PSMG3: variants seen among roughly 807,000 people sequenced by gnomAD.
PSMG3 encodes the protein proteasome assembly chaperone 3.
Under a neutral mutation model 7.9 loss-of-function variants are expected in PSMG3, and 4 were observed. That is an observed-to-expected ratio of 0.51 (90% CI 0.25 to 1.16). PSMG3 has a LOEUF of 1.16. Among genes scored for constraint, PSMG3 ranks in the 50% most tolerant of loss-of-function variants. The probability of loss-of-function intolerance (pLI) is 0.15; values close to 1 mark genes in which losing one functional copy is unlikely to be tolerated. For missense variants in PSMG3, 151 were observed against 157.4 expected (o/e 0.96, Z 0.22); for synonymous variants, 81 against 69.8 (o/e 1.16, Z -0.80).
intron 1 of PSMG3, among the ~76,000 whole-genome samples, chr7:1,568,600 G>A (rs1349825322): frequency 6.6e-6 from 1 of 151,412 alleles, no homozygotes; most frequent in Non-Finnish European, 1.5e-5. Flanking sequence ...CAAGTAGCTG[G>A]GAGCACAGGC....
At chr7:1,568,930 G>A (rs987323044) in intron 1 of PSMG3, among the ~76,000 whole-genome samples, 194 bp downstream of exon 1, 31 of 152,340 alleles carry the variant, frequency 2.0e-4, no homozygotes, top group African/African-American at 7.0e-4. Context: ...TTACAGGTGT[G>A]AGCCACTGCA....
rs1012930802 is a variant in PSMG3 at position 1,569,960 on chromosome 7, C to T, written c.-621G>A. ...ACACGCGGTGCCGAGGCCGGCCGGG[C>T]TACTGGGGACGCAGCCGCCCGGGGA... On this transcript the variant is annotated 5_prime_UTR_variant, in exon 1 of 2. Transcript: ENST00000288607. 1.3e-5 allele frequency: 2 copies of T among 151,868 alleles called. No individual in the cohort carries two copies. Among genetic ancestry groups the T allele is most frequent in the African/African-American group, 4.8e-5 (2 of 41,404 alleles). 9.4% of individuals were successfully genotyped at this position (151,868 alleles called of 1,614,324 possible).
rs770596701 is a variant in PSMG3, at chr7:1,569,188, C to A, written c.152G>T (p.Ser51Ile). 6.2e-6 allele frequency: 10 copies of A among 1,613,620 alleles called. No homozygotes were observed. The South Asian group carries it at 1.1e-4, about 18-fold the overall frequency. Residue 51 changes from serine to isoleucine, a missense_variant, in exon 1 of 2, where the codon AGC becomes ATC. Physicochemically the swap from Ser to Ile is moderately radical, Grantham distance 142. Coordinates refer to ENST00000288607, the MANE Select transcript of PSMG3 (RefSeq NM_032302.4). ...CTTGCTGACGTCACTGGCCACGCTGCTGGGCTCCAGGGAGACCAGGGTGCC... is the reference window on the plus strand; with the variant it reads ...CTTGCTGACGTCACTGGCCACGCTGATGGGCTCCAGGGAGACCAGGGTGCC... ...KMGTLVSLEP[S>I]SVASDVSKPV...
At chr7:1,568,997 T>C (rs1016531395) in intron 1 of PSMG3, 127 bp downstream of exon 1, 29 of 721,414 alleles carry the variant, frequency 4.0e-5, no homozygotes, top group Non-Finnish European at 5.7e-5. Flanking sequence ...TGTAGTGACT[T>C]GTGTGTGTGT....
chr7:1,569,495 C>T lies in PSMG3; in HGVS notation c.-156G>A. 3 of 608,090 alleles carry T rather than the reference C, an allele frequency of 4.9e-6. No individual in the cohort carries two copies. Among genetic ancestry groups the T allele is most frequent in the South Asian group, 2.1e-5 (1 of 48,320 alleles). 37.7% of individuals were successfully genotyped at this position (608,090 alleles called of 1,614,324 possible). ...CCCATTCAAAAGAAGGGGCCAGGCGCGGTGGCTCATGCCTGTCATCCCGGC... is the reference window on the plus strand; with the variant it reads ...CCCATTCAAAAGAAGGGGCCAGGCGTGGTGGCTCATGCCTGTCATCCCGGC... On this transcript the variant is annotated 5_prime_UTR_variant, in exon 1 of 2. Coordinates refer to ENST00000288607, the MANE Select transcript of PSMG3 (RefSeq NM_032302.4).
chr7:1,569,264 T>C lies in PSMG3; in HGVS notation c.76A>G (p.Thr26Ala). The part of the protein sequence containing the change: ...VCGVPTQVVC[T>A]AFSSHILVVV... ...ACCAGGATGTGACTGCTGAAGGCCG[T>C]ACACACCACCTGGGTGGGGACCCCG... is the stretch of plus-strand genomic sequence containing the variant. The change falls in exon 1 of 2, where the codon ACG becomes GCG. Residue 26 changes from threonine to alanine, a missense_variant. Coordinates refer to ENST00000288607, the MANE Select transcript of PSMG3 (RefSeq NM_032302.4). 6.2e-7 allele frequency: 1 copy of C among 1,613,674 alleles called. No homozygotes were observed. Among genetic ancestry groups the C allele is most frequent in the South Asian group, 1.1e-5 (1 of 91,076 alleles).
At position 1,569,625 on chromosome 7, in the gene PSMG3, A is replaced by AC. The variant is rs1165532049; in HGVS notation, c.-287dup. The AC allele has an allele frequency of 1.1e-5, 3 of 280,496 alleles. 1 individual carries two copies. The South Asian group carries it at 1.8e-4, about 17-fold the overall frequency. The allele number at this position is 280,496 out of a possible 1,614,324, so 17.4% of individuals were successfully genotyped here. The stretch of plus-strand genomic sequence containing the variant: ...TCTACCAAAAAAAAAAAAAAAAAAA[A>AC]CCAGCAGGGCGCGCCTGTGGTCCCA... On this transcript the variant is annotated 5_prime_UTR_variant, in exon 1 of 2. It introduces an in-frame stop codon into an upstream open reading frame of the 5' UTR. Transcript: ENST00000288607.
Position 1,567,684 on chromosome 7 carries a change from C to T in PSMG3, c.*14G>A, listed in dbSNP as rs376995635. 1.1e-3 allele frequency: 1,801 copies of T among 1,611,422 alleles called. 1 individual carries two copies. Among genetic ancestry groups the T allele is most frequent in the Middle Eastern group, 1.7e-3 (10 of 6,044 alleles). On this transcript the variant is annotated 3_prime_UTR_variant, in exon 2 of 2. Transcript: ENST00000288607. Reference sequence around the variant, plus strand: ...ACGTGTCCTGCTGAGCAGCGCGGGGCGGCTGCCTCCAGGTCACCACACCTG... The same window carrying T: ...ACGTGTCCTGCTGAGCAGCGCGGGGTGGCTGCCTCCAGGTCACCACACCTG...
chr7:1,569,198 G>C lies in PSMG3; in HGVS notation c.142C>G (p.Leu48Val). ...TCACTGGCCACGCTGCTGGGCTCCA[G>C]GGAGACCAGGGTGCCCATCTTCCCA... ...QFGKMGTLVS[L>V]EPSSVASDVS... The change falls in exon 1 of 2, where the codon CTG becomes GTG. Residue 48 changes from leucine (L) to valine (V), a missense_variant. By Grantham distance (32) the Leu-to-Val change is conservative. Transcript: ENST00000288607. 1.2e-6 allele frequency: 2 copies of C among 1,613,614 alleles called. No homozygotes were observed. The highest frequency in any genetic ancestry group is 1.7e-6 in the Non-Finnish European group (2 of 1,180,010).
At position 1,569,405 on chromosome 7, in the gene PSMG3, A is replaced by G. The variant is rs1016249917; in HGVS notation, c.-66T>C. The G allele has an allele frequency of 1.5e-6, 2 of 1,348,980 alleles. No individual in the cohort carries two copies. Among genetic ancestry groups the G allele is most frequent in the South Asian group, 1.4e-5 (1 of 73,272 alleles). 83.6% of individuals were successfully genotyped at this position (1,348,980 alleles called of 1,614,324 possible). A position where few individuals can be genotyped will look rare whatever the true frequency, so the allele number is the denominator to read the frequency against. On this transcript the variant is annotated 5_prime_UTR_variant, in exon 1 of 2. The change abolishes the stop of an existing upstream ORF in the 5' untranslated region. Transcript: ENST00000288607. ...GAAAGGGGAAAAAAAGGAGTCAATC[A>G]AACAGTACAGCCTTGGGGCTCCCAA...
At position 1,567,811 on chromosome 7, in the gene PSMG3, C is replaced by CA; in HGVS notation, c.255dup (p.Val86CysfsTer52). ...GCTCTGTTTCCAGCTTCTTGAGACACAAACGCTACCAGGTTCTTTGCAAAG... is the reference window on the plus strand; with the variant it reads ...GCTCTGTTTCCAGCTTCTTGAGACACAAAACGCTACCAGGTTCTTTGCAAAG... On this transcript the variant is annotated frameshift_variant, in exon 2 of 2. Transcript: ENST00000288607. LOFTEE classifies it high-confidence loss of function. The CA allele has an allele frequency of 6.2e-7, 1 of 1,614,144 alleles. No individual in the cohort carries two copies. The highest frequency in any genetic ancestry group is 1.1e-5 in the South Asian group (1 of 91,064).
chr7:1,567,646 T>C lies in PSMG3; in HGVS notation c.*52A>G. On this transcript the variant is annotated 3_prime_UTR_variant, in exon 2 of 2. Coordinates refer to ENST00000288607, the MANE Select transcript of PSMG3 (RefSeq NM_032302.4). ...GGTGAGACTTGAGTCCCTGAGTGGG[T>C]GTCTGGGTGTTCACGTGTCCTGCTG... The C allele has an allele frequency of 6.4e-7, 1 of 1,552,568 alleles. No homozygotes were observed. The highest frequency in any genetic ancestry group is 1.9e-5 in the Admixed American group (1 of 52,800).
In PSMG3 at chr7:1,567,836, G is replaced by A. The variant is rs1288789496; in HGVS notation, c.231C>T (p.Val77=). 1 of 1,613,698 alleles carries A rather than the reference G, an allele frequency of 6.2e-7. No homozygotes were observed. The highest frequency in any genetic ancestry group is 8.5e-7 in the Non-Finnish European group (1 of 1,179,860). ...CAAACGCTACCAGGTTCTTTGCAAAGACATGGATGAGAGGCTGGTAAAGGA... is the reference window on the plus strand; with the variant it reads ...CAAACGCTACCAGGTTCTTTGCAAAAACATGGATGAGAGGCTGGTAAAGGA... The part of the protein sequence containing the change: ...LLGQDEPLIH[V]FAKNLVAFVS... The change falls in exon 2 of 2, where the codon GTC becomes GTT. Residue 77 remains valine (V), a synonymous_variant. Coordinates refer to ENST00000288607, the MANE Select transcript of PSMG3 (RefSeq NM_032302.4).
intron 1 of PSMG3, 124 bp downstream of exon 1, chr7:1,569,000 G>GT: frequency 2.7e-6 from 2 of 731,526 alleles, no homozygotes; most frequent in East Asian, 4.9e-5. Context: ...AGTGACTTGT[G>GT]TGTGTGTTGT....
At position 1,567,631 on chromosome 7, in the gene PSMG3, G is replaced by C; in HGVS notation, c.*67C>G. The C allele has an allele frequency of 8.0e-6, 12 of 1,496,092 alleles. No homozygotes were observed. In the South Asian group the frequency reaches 1.2e-4, roughly 15 times the overall value. 92.7% of individuals were successfully genotyped at this position (1,496,092 alleles called of 1,614,324 possible). A position where few individuals can be genotyped will look rare whatever the true frequency, so the allele number is the denominator to read the frequency against. On this transcript the variant is annotated 3_prime_UTR_variant, in exon 2 of 2. Transcript: ENST00000288607. ...TCCACCGGGGAGGGAGGTGAGACTT[G>C]AGTCCCTGAGTGGGTGTCTGGGTGT...
Position 1,569,618 on chromosome 7 carries a change from A to C in PSMG3, c.-279T>G, listed in dbSNP as rs1583241189. 4 of 313,278 alleles carry C rather than the reference A, an allele frequency of 1.3e-5. No individual in the cohort carries two copies. The highest frequency in any genetic ancestry group is 6.0e-5 in the East Asian group (1 of 16,716). 19.4% of individuals were successfully genotyped at this position (313,278 alleles called of 1,614,324 possible). On this transcript the variant is annotated 5_prime_UTR_variant, in exon 1 of 2. Transcript: ENST00000288607. ...CCCCATCTCTACCAAAAAAAAAAAA[A>C]AAAAAAACCAGCAGGGCGCGCCTGT... is the stretch of plus-strand genomic sequence containing the variant.
In PSMG3 at chr7:1,567,605, C is replaced by A; in HGVS notation, c.*93G>T. 4 of 1,340,318 alleles carry A rather than the reference C, an allele frequency of 3.0e-6. No homozygotes were observed. Among genetic ancestry groups the A allele is most frequent in the South Asian group, 1.4e-5 (1 of 70,510 alleles). The allele number at this position is 1,340,318 out of a possible 1,614,324, so 83.0% of individuals were successfully genotyped here. ...CAAGGGCTAGTGCCAAAGTTCCTCCCTCCACCGGGGAGGGAGGTGAGACTT... is the reference window on the plus strand; with the variant it reads ...CAAGGGCTAGTGCCAAAGTTCCTCCATCCACCGGGGAGGGAGGTGAGACTT... On this transcript the variant is annotated 3_prime_UTR_variant, in exon 2 of 2. Coordinates refer to ENST00000288607, the MANE Select transcript of PSMG3 (RefSeq NM_032302.4).
rs766913978 is a variant in PSMG3 at position 1,567,767 on chromosome 7, G to A, written c.300C>T (p.Ala100=). The A allele has an allele frequency of 8.7e-6, 14 of 1,614,000 alleles. No homozygotes were observed. Among genetic ancestry groups the A allele is most frequent in the South Asian group, 2.2e-5 (2 of 91,078 alleles). The part of the protein sequence containing the change: ...AGNRAVLLAV[A]VKDKSMEGLK... ...GCCCCTCCATGCTTTTGTCCTTCAC[G>A]GCCACGGCGAGGAGGACTGCTCTGT... Residue 100 remains alanine (A), a synonymous_variant, in exon 2 of 2, where the codon GCC becomes GCT. Coordinates refer to ENST00000288607, the MANE Select transcript of PSMG3 (RefSeq NM_032302.4).
In PSMG3 at chr7:1,569,810, G is replaced by C. The variant is rs1208831329; in HGVS notation, c.-471C>G. On this transcript the variant is annotated 5_prime_UTR_variant, in exon 1 of 2. Transcript: ENST00000288607. The stretch of plus-strand genomic sequence containing the variant: ...AGGAGCGGGGCCGCCCATAGAGACC[G>C]CGCCTGGGGCTTTCTGGGTTAGGGG... 1 of 153,664 alleles carries C rather than the reference G, an allele frequency of 6.5e-6. No individual in the cohort carries two copies. The highest frequency in any genetic ancestry group is 1.5e-5 in the Non-Finnish European group (1 of 68,960). 9.5% of individuals were successfully genotyped at this position (153,664 alleles called of 1,614,324 possible). A position where few individuals can be genotyped will look rare whatever the true frequency, so the allele number is the denominator to read the frequency against.
Sources: gnomAD v4.1 joint callset for allele counts (sites outside exome capture counted in the v4.1 genomes callset) on GRCh38, gnomAD v4.1.1 for gene constraint, MANE v1.5 for transcripts, NCBI Gene and HGNC (gene_info 2026-07-23, HGNC 2026-07-21) for gene names.